The following CHKA variants were observed in gnomAD, a reference collection of about 807,000 sequenced individuals.
CHKA encodes the protein choline kinase alpha, also known as CHETK-alpha.
Under a neutral mutation model 60.1 loss-of-function variants are expected in CHKA, and 34 were observed. The ratio of observed to expected loss-of-function variants is 0.57; its 90% confidence interval spans 0.43 to 0.75. The LOEUF (loss-of-function observed/expected upper bound fraction) is 0.75. CHKA is among the 30% of genes least tolerant of loss of function. CHKA has a pLI of 0.00. For synonymous variants in CHKA, 217 were observed against 223.1 expected, an observed-to-expected ratio of 0.97 and a Z score of 0.24; for missense variants, 563 against 561.3, an observed-to-expected ratio of 1.00 and a Z score of -0.03.
In CHKA at chr11:68,066,655, G is replaced by A. The variant is rs922127741; in HGVS notation, c.929-139C>T. 8.6e-6 allele frequency: 6 copies of A among 695,562 alleles called. No individual in the cohort carries two copies. In the African/African-American group the frequency reaches 8.9e-5, roughly 10 times the overall value. The allele number at this position is 695,562 out of a possible 1,614,324, so 43.1% of individuals were successfully genotyped here. A position where few individuals can be genotyped will look rare whatever the true frequency, so the allele number is the denominator to read the frequency against. On this transcript the variant is annotated intron_variant, in intron 7 of 11. Transcript: ENST00000265689. ...CTTTTGGTCTGTGGACATCACCAGG[G>A]CCTAGACAGAGCGTAGAAGTGCTCA...
At chr11:68,098,144 C>T (rs1857574227) in intron 1 of CHKA, among the ~76,000 whole-genome samples, 1 of 151,740 alleles carries the variant, frequency 6.6e-6, no homozygotes, top group Non-Finnish European at 1.5e-5. Flanking sequence ...GTGGCACACA[C>T]CTTGTAATAC....
chr11:68,120,403 C>A (rs1858579106), intron 1 of CHKA, among the ~76,000 whole-genome samples: 1 of 152,140 alleles, frequency 6.6e-6, no homozygotes, highest in African/African-American at 2.4e-5. Context: ...ATCGCGAACT[C>A]GAAAAACTAA....
chr11:68,120,761 G>T, intron 1 of CHKA, 67 bp downstream of exon 1: 1 of 494,468 alleles, frequency 2.0e-6, no homozygotes, highest in Non-Finnish European at 2.6e-6. Flanking sequence ...CCCCTGCCCG[G>T]ACCCCGCCCC....
intron 11 of CHKA, among the ~76,000 whole-genome samples, chr11:68,055,344 C>T (rs920298936): frequency 1.3e-5 from 2 of 152,124 alleles, no homozygotes; most frequent in Non-Finnish European, 2.9e-5. Context: ...GAGCCAAGAT[C>T]GGGCCACTGT....
intron 9 of CHKA, 93 bp from the exon 10 acceptor site, chr11:68,064,724 T>C (rs1856381984): frequency 2.8e-6 from 2 of 713,630 alleles, no homozygotes; most frequent in Admixed American, 3.2e-5. Flanking sequence ...TGTGACACAC[T>C]GGGAGACACA....
chr11:68,110,436 C>T (rs1858089473), intron 1 of CHKA, among the ~76,000 whole-genome samples: 1 of 152,142 alleles, frequency 6.6e-6, no homozygotes, highest in African/African-American at 2.4e-5. Flanking sequence ...AAAAGTCAAC[C>T]AGTTTCCTAC....
chr11:68,103,932 AAATT>A lies in CHKA; in HGVS notation c.351-6806_351-6803del, dbSNP rs1164641891. On this transcript the variant is annotated intron_variant, in intron 1 of 11. Coordinates refer to ENST00000265689, the MANE Select transcript of CHKA (RefSeq NM_001277.3). ...AGTCTCAAAAAAATAAAAAATAAAT[AAATT>A]AATTAAATAAAATAAAAAATTAAAA... Among the ~76,000 whole-genome samples, 3 of 151,898 alleles carry A rather than the reference AAATT, an allele frequency of 2.0e-5. No individual in the cohort carries two copies. In the East Asian group the frequency reaches 5.8e-4, roughly 29 times the overall value.
intron 4 of CHKA, among the ~76,000 whole-genome samples, chr11:68,072,732 C>A (rs1856660922): frequency 6.6e-6 from 1 of 151,986 alleles, no homozygotes; most frequent in South Asian, 2.1e-4. Context: ...TGGTTCACAC[C>A]TGTAATCCTG....
chr11:68,108,697 T>A (rs1481999047), intron 1 of CHKA, among the ~76,000 whole-genome samples: 1 of 152,030 alleles, frequency 6.6e-6, no homozygotes, highest in African/African-American at 2.4e-5. Context: ...TGAGCCAAGA[T>A]CATGCCACTG....
intron 2 of CHKA, among the ~76,000 whole-genome samples, chr11:68,095,271 C>T (rs772427611): frequency 6.6e-6 from 1 of 151,042 alleles, no homozygotes; most frequent in Non-Finnish European, 1.5e-5. Flanking sequence ...GGCGTGGTGG[C>T]GGACACCTGT....
At chr11:68,081,590 T>C (rs1193169769) in intron 2 of CHKA, 133 bp from the exon 3 acceptor site, 8 of 664,902 alleles carry the variant, frequency 1.2e-5, no homozygotes, top group Admixed American at 2.4e-5. Flanking sequence ...AGCCCACCGA[T>C]GTGACGGGCA....
chr11:68,095,726 AAAAAAAAAC>A lies in CHKA; in HGVS notation c.462+1284_462+1292del, dbSNP rs1413095992. Reference sequence around the variant, plus strand: ...TCCGTCGCAAAAAAAAAAAAAAAAAAAAAAAAAACAACAGGTATCAAAATCCTACCACAG... The same window carrying A: ...TCCGTCGCAAAAAAAAAAAAAAAAAAAACAGGTATCAAAATCCTACCACAG... On this transcript the variant is annotated intron_variant, in intron 2 of 11. Coordinates refer to ENST00000265689, the MANE Select transcript of CHKA (RefSeq NM_001277.3). Among the ~76,000 whole-genome samples, 27 of 142,446 alleles carry A rather than the reference AAAAAAAAAC, an allele frequency of 1.9e-4. 3 individuals carry two copies. The East Asian group carries it at 2.0e-3, about 11-fold the overall frequency. 93.5% of individuals were successfully genotyped at this position (142,446 alleles called of 152,430 possible). A position where few individuals can be genotyped will look rare whatever the true frequency, so the allele number is the denominator to read the frequency against.
intron 2 of CHKA, among the ~76,000 whole-genome samples, chr11:68,094,500 CA>C (rs1436126795): frequency 6.6e-6 from 1 of 152,156 alleles, no homozygotes; most frequent in Non-Finnish European, 1.5e-5. Context: ...ATGGTTGTGC[CA>C]CTACACTACA....
At chr11:68,076,980 G>A (rs867733117) in intron 3 of CHKA, among the ~76,000 whole-genome samples, 3 of 152,208 alleles carry the variant, frequency 2.0e-5, no homozygotes, top group Non-Finnish European at 4.4e-5. Flanking sequence ...GCTCACGCCT[G>A]TAATCCCAGC....
chr11:68,084,564 CAAGTT>C (rs1857119223), intron 2 of CHKA, among the ~76,000 whole-genome samples: 1 of 150,610 alleles, frequency 6.6e-6, no homozygotes, highest in Non-Finnish European at 1.5e-5. Context: ...TTTTCTCTAA[CAAGTT>C]AATAAAAATT....
chr11:68,070,037 A>C (rs1313272478), intron 6 of CHKA, 152 bp downstream of exon 6: 1 of 663,134 alleles, frequency 1.5e-6, no homozygotes, highest in Non-Finnish European at 2.6e-6. Context: ...CCTCTAGAGA[A>C]CCATAATTCC....
chr11:68,062,507 C>T (rs1450733443), intron 10 of CHKA, among the ~76,000 whole-genome samples: 1 of 152,210 alleles, frequency 6.6e-6, no homozygotes, highest in Non-Finnish European at 1.5e-5. Context: ...CTTGTCCCAT[C>T]CCCTCCTGTC....
At chr11:68,054,084 C>G in intron 11 of CHKA, 37 bp from the exon 12 acceptor site, 1 of 1,575,332 alleles carries the variant, frequency 6.3e-7, no homozygotes, top group Non-Finnish European at 8.7e-7. Flanking sequence ...AGCAAGGAAT[C>G]CTGCTGGCCT....
chr11:68,112,866 A>G (rs1188716887), intron 1 of CHKA, among the ~76,000 whole-genome samples: 6 of 151,664 alleles, frequency 4.0e-5, no homozygotes, highest in Admixed American at 6.6e-5. Flanking sequence ...GAGGATCACG[A>G]GGTCAGGAGA....
Sources: allele counts gnomAD v4.1 joint callset (sites outside exome capture counted in the v4.1 genomes callset), GRCh38; gene constraint gnomAD v4.1.1; transcripts MANE v1.5; gene names NCBI Gene and HGNC (gene_info 2026-07-23, HGNC 2026-07-21).